SUGCT: variants seen among roughly 807,000 people sequenced by gnomAD.
SUGCT encodes the protein succinyl-CoA:glutarate-CoA transferase, also known as succinyl-CoA:glutarate CoA-transferase.
SUGCT carries 41 observed loss-of-function variants against 55.0 expected under a neutral mutation model. That is an observed-to-expected ratio of 0.74 (90% CI 0.58 to 0.97). The LOEUF (loss-of-function observed/expected upper bound fraction) is 0.97, where lower values mean the gene tolerates loss of function less well. SUGCT is among the 50% of genes least tolerant of loss of function. The pLI is 0.00. For synonymous variants in SUGCT, 187 were observed against 200.4 expected, an observed-to-expected ratio of 0.93 and a Z score of 0.56; for missense variants, 568 against 547.8, an observed-to-expected ratio of 1.04 and a Z score of -0.37.
At chr7:40,745,050 T>C (rs1014747636) in intron 12 of SUGCT, among the ~76,000 whole-genome samples, 6 of 152,234 alleles carry the variant, frequency 3.9e-5, no homozygotes, top group Middle Eastern at 3.2e-3. Context: ...TGCAGGTTCA[T>C]TCATCTTTTC....
the SUGCT span, among the ~76,000 whole-genome samples, chr7:40,997,062 A>G: frequency 6.6e-6 from 1 of 152,124 alleles, no homozygotes; most frequent in South Asian, 2.1e-4. Context: ...CAAGCCACAC[A>G]GCTGGCACCC....
chr7:40,275,013 C>G (rs1792369774), intron 8 of SUGCT, among the ~76,000 whole-genome samples: 1 of 152,042 alleles, frequency 6.6e-6, no homozygotes, highest in Non-Finnish European at 1.5e-5. Flanking sequence ...GTCGGTCAGG[C>G]TGGTCTCGAA....
chr7:40,315,042 T>C (rs1795354186), intron 8 of SUGCT, among the ~76,000 whole-genome samples: 1 of 152,234 alleles, frequency 6.6e-6, no homozygotes, highest in South Asian at 2.1e-4. Context: ...ACTTGAAATA[T>C]TATCTGCTTA....
At chr7:40,580,407 G>A (rs1797019940) in intron 12 of SUGCT, among the ~76,000 whole-genome samples, 1 of 152,152 alleles carries the variant, frequency 6.6e-6, no homozygotes, top group South Asian at 2.1e-4. Context: ...CGTGAAGGAG[G>A]TTTAAGAACA....
intron 12 of SUGCT, among the ~76,000 whole-genome samples, chr7:40,696,145 T>C (rs879465289): frequency 2.6e-5 from 4 of 152,242 alleles, no homozygotes; most frequent in African/African-American, 4.8e-5. Flanking sequence ...GTCCAGCAAC[T>C]ATCTGTTAAT....
intron 12 of SUGCT, among the ~76,000 whole-genome samples, chr7:40,512,820 A>G (rs1233104285): frequency 6.6e-6 from 1 of 152,164 alleles, no homozygotes; most frequent in Admixed American, 6.5e-5. Flanking sequence ...TAGAGTGCAG[A>G]TGAGAGATAG....
chr7:40,156,135 G>A (rs1379697983), intron 1 of SUGCT, among the ~76,000 whole-genome samples: 1 of 152,110 alleles, frequency 6.6e-6, no homozygotes, highest in Non-Finnish European at 1.5e-5. Context: ...GGGATTACAG[G>A]TGTGAGCCAC....
At chr7:40,191,087 G>A (rs964112544) in intron 5 of SUGCT, among the ~76,000 whole-genome samples, 1 of 152,158 alleles carries the variant, frequency 6.6e-6, no homozygotes, top group Non-Finnish European at 1.5e-5. Flanking sequence ...CGCGATCTCG[G>A]CTCACTGCAA....
intron 13 of SUGCT, among the ~76,000 whole-genome samples, chr7:40,783,242 T>C (rs1395803480): frequency 6.6e-6 from 1 of 152,122 alleles, no homozygotes; most frequent in Non-Finnish European, 1.5e-5. Flanking sequence ...TACTTTTTCC[T>C]CTTGCTAGGA....
rs1324087918 is a variant in SUGCT at position 40,223,006 on chromosome 7, C to CTTCT, written c.485-14626_485-14625insTTTC. ...ATTTCTTTCCTTCCTTCCTTCCTTC[C>CTTCT]TTCCTTCCTTCCTTCCTTCCTTCCT... On this transcript the variant is annotated intron_variant, in intron 6 of 13. Transcript: ENST00000335693. 3.4e-5 allele frequency among the ~76,000 whole-genome samples: 5 copies of CTTCT among 148,062 alleles called. No individual in the cohort carries two copies. The East Asian group carries it at 9.9e-4, about 29-fold the overall frequency.
chr7:40,260,510 G>A (rs1395559435), intron 7 of SUGCT, among the ~76,000 whole-genome samples: 4 of 152,152 alleles, frequency 2.6e-5, no homozygotes, highest in Non-Finnish European at 1.5e-5. Context: ...TAAAAGGAGA[G>A]CCTTTCTTAT....
intron 9 of SUGCT, among the ~76,000 whole-genome samples, chr7:40,351,768 T>C (rs1797646747): frequency 6.6e-6 from 1 of 152,226 alleles, no homozygotes; most frequent in Non-Finnish European, 1.5e-5. Flanking sequence ...TTGTCTTCAT[T>C]TTTTAATCTG....
chr7:40,738,666 TAACA>T (rs1278622589), intron 12 of SUGCT, among the ~76,000 whole-genome samples: 2 of 152,296 alleles, frequency 1.3e-5, no homozygotes, highest in African/African-American at 2.4e-5. Context: ...ATTGTACAAG[TAACA>T]AACAATTTTA....
At chr7:40,188,641 T>A in intron 4 of SUGCT, 61 bp downstream of exon 4, 1 of 1,024,848 alleles carries the variant, frequency 9.8e-7, no homozygotes, top group Non-Finnish European at 1.4e-6. Context: ...GCAAAACTGT[T>A]GATATCATTG....
intron 1 of SUGCT, among the ~76,000 whole-genome samples, chr7:40,169,491 C>T (rs1784571109): frequency 6.6e-6 from 1 of 152,202 alleles, no homozygotes; most frequent in Non-Finnish European, 1.5e-5. Context: ...CTCAGTCCTG[C>T]TGCTGGATCA....
downstream of SUGCT, among the ~76,000 whole-genome samples, chr7:40,862,069 T>A (rs1380110030): frequency 6.6e-6 from 1 of 152,228 alleles, no homozygotes; most frequent in Non-Finnish European, 1.5e-5. Flanking sequence ...GACCATTTCT[T>A]CCGCTGATCT....
chr7:40,698,655 T>C lies in SUGCT; in HGVS notation c.1090-50779T>C, dbSNP rs775986609. On this transcript the variant is annotated intron_variant, in intron 12 of 13. Transcript: ENST00000335693. ...TGCTTTGATTTCAAAGTCAGCCTTG[T>C]CTAATTGGTTGCTAAGATTGGGCTT... Among the ~76,000 whole-genome samples the C allele has an allele frequency of 4.7e-4, 71 of 152,368 alleles. 3 individuals are homozygous for C. Among genetic ancestry groups the C allele is most frequent in the Admixed American group, 9.8e-4 (15 of 15,312 alleles).
At position 40,353,481 on chromosome 7, in the gene SUGCT, A is replaced by G. The variant is rs1489392492; in HGVS notation, c.816+36626A>G. Among the ~76,000 whole-genome samples the G allele has an allele frequency of 2.0e-5, 3 of 152,312 alleles. No individual in the cohort carries two copies. The East Asian group carries it at 5.8e-4, about 29-fold the overall frequency. ...AATATGCAAACAAACAAAAACAACT[A>G]AATCAGTTTTCCGAAATTGGGTTTA... On this transcript the variant is annotated intron_variant, in intron 9 of 13. Transcript: ENST00000335693.
the SUGCT span, among the ~76,000 whole-genome samples, chr7:40,941,064 G>T: frequency 6.6e-6 from 1 of 152,014 alleles, no homozygotes; most frequent in African/African-American, 2.4e-5. Context: ...TTATTTTGTT[G>T]AGGGTTTTTA....
Sources: allele counts gnomAD v4.1 joint callset (sites outside exome capture counted in the v4.1 genomes callset), GRCh38; gene constraint gnomAD v4.1.1; transcripts MANE v1.5; gene names NCBI Gene and HGNC (gene_info 2026-07-23, HGNC 2026-07-21).